MDN1: variants seen among roughly 807,000 people sequenced by gnomAD.
MDN1 encodes the protein midasin AAA ATPase 1.
Under a neutral mutation model 669.2 loss-of-function variants are expected in MDN1, and 266 were observed. The ratio of observed to expected loss-of-function variants is 0.40; its 90% CI spans 0.36 to 0.44. MDN1 has a LOEUF of 0.44. Among genes scored for constraint, MDN1 ranks in the 20% least tolerant of loss-of-function variants. The pLI is 1.00. For missense variants in MDN1, 5,940 were observed against 6,754.0 expected, an observed-to-expected ratio of 0.88 and a Z score of 4.22; for synonymous variants, 2,385 against 2,457.1, an observed-to-expected ratio of 0.97 and a Z score of 0.87.
At position 89,787,905 on chromosome 6, in the gene MDN1, C is replaced by A; in HGVS notation, c.1283G>T (p.Arg428Leu). 1 of 1,613,674 alleles carries A rather than the reference C, an allele frequency of 6.2e-7. No homozygotes were observed. The highest frequency in any genetic ancestry group is 2.2e-5 in the East Asian group (1 of 44,872). ...AGGTGCCACTTTCAGACAGTCACCT[C>A]GGCCAGGAATCAAGAGCTCTCCATT... ...LENGELLIPG[R>L]GDCLKVAPGF... is the part of the protein sequence containing the mutation. The change falls in exon 8 of 102, where the codon CGA becomes CTA. Residue 428 changes from arginine (R) to leucine (L), a missense_variant. This residue lies in a region of MDN1 where 1,203 missense variants were observed against 1,268.9 expected (regional missense o/e 0.95). Transcript: ENST00000369393.
chr6:89,819,613 A>T lies in MDN1; in HGVS notation c.-6T>A. ...TCCAGCAAGAAGTGCTCCATGACCC[A>T]GGGCCCTCACCCCGAGCGGCCACCT... On this transcript the variant is annotated 5_prime_UTR_variant, in exon 1 of 102. Coordinates refer to ENST00000369393, the MANE Select transcript of MDN1 (RefSeq NM_014611.3). 6.2e-7 allele frequency: 1 copy of T among 1,600,286 alleles called. No homozygotes were observed. Among genetic ancestry groups the T allele is most frequent in the Non-Finnish European group, 8.5e-7 (1 of 1,179,578 alleles).
intron 95 of MDN1, among the ~76,000 whole-genome samples, chr6:89,651,167 T>G (rs1019097995): frequency 1.7e-5 from 2 of 117,938 alleles, no homozygotes; most frequent in African/African-American, 6.5e-5. Context: ...AAAAAAAAAA[T>G]ACAGAAAATT....
chr6:89,656,740 G>A lies in MDN1; in HGVS notation c.15245C>T (p.Ala5082Val), dbSNP rs746924844. Residue 5082 changes from alanine to valine, a missense_variant, in exon 91 of 102, where the codon GCC becomes GTC. Coordinates refer to ENST00000369393, the MANE Select transcript of MDN1 (RefSeq NM_014611.3). ...QAEGHESNFI[A>V]QLASQKHTRK... ...GGTGTGCTTCTGGGAGGCCAACTGG[G>A]CAATGAAATTCGATTCATGGCCTTC... The A allele has an allele frequency of 5.0e-6, 8 of 1,613,334 alleles. No homozygotes were observed. The highest frequency in any genetic ancestry group is 1.3e-5 in the African/African-American group (1 of 74,986).
chr6:89,683,379 A>G (rs773620881), intron 72 of MDN1, 49 bp from the exon 73 acceptor site: 5 of 1,497,414 alleles, frequency 3.3e-6, no homozygotes, highest in Non-Finnish European at 4.6e-6. Flanking sequence ...TGGATTAGCA[A>G]GTGAAGACAT....
intron 79 of MDN1, 83 bp from the exon 80 acceptor site, chr6:89,673,545 T>C (rs758314113): frequency 4.1e-6 from 5 of 1,211,286 alleles, no homozygotes; most frequent in Non-Finnish European, 6.0e-6. Context: ...CACTACAAGA[T>C]ATGCAAGGTA....
At chr6:89,650,687 C>T (rs56396054) in intron 96 of MDN1, 45 bp downstream of exon 96, 186,602 of 1,430,674 alleles carry the variant, frequency 0.13, 13,014 homozygotes, top group South Asian at 0.17. Flanking sequence ...ATGAAGCTGC[C>T]GTCTTCTCAG....
intron 68 of MDN1, 85 bp downstream of exon 68, chr6:89,687,259 T>C (rs1584189646): frequency 7.6e-7 from 1 of 1,312,884 alleles, no homozygotes; most frequent in Non-Finnish European, 1.1e-6. Flanking sequence ...GCTGTAATAC[T>C]ATATAAATCC....
In MDN1 at chr6:89,685,938, T is replaced by A; in HGVS notation, c.11608A>T (p.Thr3870Ser). 1 of 1,613,854 alleles carries A rather than the reference T, an allele frequency of 6.2e-7. No homozygotes were observed. Among genetic ancestry groups the A allele is most frequent in the Non-Finnish European group, 8.5e-7 (1 of 1,179,930 alleles). The change falls in exon 70 of 102, where the codon ACA becomes TCA. Residue 3870 changes from threonine to serine, a missense_variant. Coordinates refer to ENST00000369393, the MANE Select transcript of MDN1 (RefSeq NM_014611.3). The part of the protein sequence containing the change: ...KQMTLMLLVS[T>S]LQAFIEGSSL... ...GATCCTTCAATAAATGCTTGTAATG[T>A]GCTGACCAGCAACATCAAGGTCATC...
chr6:89,790,112 T>C, intron 6 of MDN1, 47 bp downstream of exon 6: 3 of 1,611,480 alleles, frequency 1.9e-6, no homozygotes, highest in Non-Finnish European at 1.7e-6. Flanking sequence ...TTAATGCAAA[T>C]ATTTACAAGC....
chr6:89,686,848 C>G (rs1812043884), intron 69 of MDN1, 54 bp downstream of exon 69: 8 of 1,602,068 alleles, frequency 5.0e-6, no homozygotes, highest in Non-Finnish European at 6.8e-6. Context: ...CTTTGCAGCA[C>G]TCCATTTAGC....
chr6:89,811,590 A>T lies in MDN1; in HGVS notation c.102+7916T>A, dbSNP rs141085325. 6.0e-3 allele frequency among the ~76,000 whole-genome samples: 904 copies of T among 151,684 alleles called. 16 individuals are homozygous for T. The highest frequency in any genetic ancestry group is 0.021 in the African/African-American group (868 of 41,332). On this transcript the variant is annotated intron_variant, in intron 1 of 101. Coordinates refer to ENST00000369393, the MANE Select transcript of MDN1 (RefSeq NM_014611.3). Reference sequence around the variant, plus strand: ...CCTCCCAAGTAGCTGGGACTACAGGAGTGTGCCACCACGCCCAGCTAATTT... The same window carrying T: ...CCTCCCAAGTAGCTGGGACTACAGGTGTGTGCCACCACGCCCAGCTAATTT...
At chr6:89,753,776 C>A (rs935830777) in intron 21 of MDN1, among the ~76,000 whole-genome samples, 154 bp from the exon 22 acceptor site, 2 of 152,040 alleles carry the variant, frequency 1.3e-5, no homozygotes, top group African/African-American at 2.4e-5. Flanking sequence ...AGGCCAGGCA[C>A]GGTGGTTCAT....
intron 87 of MDN1, 129 bp from the exon 88 acceptor site, chr6:89,661,707 T>C (rs1251334187): frequency 2.2e-6 from 2 of 894,288 alleles, no homozygotes; most frequent in African/African-American, 3.4e-5. Context: ...CCTAAAATTA[T>C]CTGCACACAT....
chr6:89,772,895 C>G (rs1249223539), intron 13 of MDN1, among the ~76,000 whole-genome samples, 174 bp from the exon 14 acceptor site: 5 of 152,154 alleles, frequency 3.3e-5, no homozygotes, highest in Admixed American at 2.6e-4. Flanking sequence ...AATTTAGTTG[C>G]TCTGCAAACA....
chr6:89,797,198 C>T (rs972476327), intron 2 of MDN1, among the ~76,000 whole-genome samples: 4 of 151,750 alleles, frequency 2.6e-5, no homozygotes, highest in East Asian at 1.9e-4. Flanking sequence ...GGTGAAACCC[C>T]GTCTCTACTA....
intron 1 of MDN1, 28 bp downstream of exon 1, chr6:89,819,478 G>T: frequency 6.3e-7 from 1 of 1,594,120 alleles, no homozygotes; most frequent in Non-Finnish European, 8.5e-7. Context: ...AGTCGTTCCG[G>T]CGCTTTCCCT....
At chr6:89,701,728 T>A (rs768607016) in intron 54 of MDN1, 50 bp from the exon 55 acceptor site, 1 of 1,587,114 alleles carries the variant, frequency 6.3e-7, no homozygotes, top group Non-Finnish European at 8.6e-7. Flanking sequence ...GGGGAAATGC[T>A]AGACAGTAAG....
rs189042653 is a variant in MDN1 at position 89,653,251 on chromosome 6, C to T, written c.15662-96G>A. 1,079 of 1,205,932 alleles carry T rather than the reference C, an allele frequency of 8.9e-4. 1 individual carries two copies. The highest frequency in any genetic ancestry group is 1.2e-3 in the Non-Finnish European group (1,003 of 856,852). The allele number at this position is 1,205,932 out of a possible 1,614,324, so 74.7% of individuals were successfully genotyped here. A position where few individuals can be genotyped will look rare whatever the true frequency, so the allele number is the denominator to read the frequency against. ...CTGTTAATCCTGAAAATTAATCAAA[C>T]TTCATTCATTCACTCTCCAACACAT... On this transcript the variant is annotated intron_variant, in intron 93 of 101. Coordinates refer to ENST00000369393, the MANE Select transcript of MDN1 (RefSeq NM_014611.3).
chr6:89,786,524 T>C (rs1818967269), intron 8 of MDN1, among the ~76,000 whole-genome samples: 1 of 152,138 alleles, frequency 6.6e-6, no homozygotes, highest in Non-Finnish European at 1.5e-5. Context: ...GGAGGATCAC[T>C]TGAGCCCAGG....
Sources: allele counts gnomAD v4.1 joint callset (sites outside exome capture counted in the v4.1 genomes callset), GRCh38; gene constraint gnomAD v4.1.1; regional missense constraint gnomAD v4.1.1; transcripts MANE v1.5; gene names NCBI Gene and HGNC (gene_info 2026-07-23, HGNC 2026-07-21).